SLCO2B1: variants seen among roughly 807,000 people sequenced by gnomAD.
The protein encoded by SLCO2B1 is solute carrier organic anion transporter family member 2B1.
SLCO2B1 carries 41 observed loss-of-function variants against 67.3 expected under a neutral mutation model. That is an observed-to-expected ratio of 0.61 (90% CI 0.47 to 0.79). The LOEUF is 0.79. SLCO2B1 is among the 30% of genes least tolerant of loss of function. SLCO2B1 has a pLI of 0.00. For missense variants in SLCO2B1, 837 were observed against 920.1 expected, an observed-to-expected ratio of 0.91 and a Z score of 1.17; for synonymous variants, 379 against 381.4, an observed-to-expected ratio of 0.99 and a Z score of 0.07.
At chr11:75,191,033 G>GCT (rs1945016115) in intron 8 of SLCO2B1, among the ~76,000 whole-genome samples, 1 of 152,200 alleles carries the variant, frequency 6.6e-6, no homozygotes. Flanking sequence ...GAGGAGAGAT[G>GCT]GGGGATGGCT....
chr11:75,196,287 A>G, intron 9 of SLCO2B1: 1 of 539,120 alleles, frequency 1.9e-6, no homozygotes, highest in Non-Finnish European at 3.3e-6. Context: ...AGATGTTTGA[A>G]GAAGCTCAAA....
At position 75,203,318 on chromosome 11, in the gene SLCO2B1, A is replaced by T; in HGVS notation, c.1840A>T (p.Ser614Cys). ...ACCACCTCCCTCAGCCTGGATGCCCAGCCCCGTGATCCACGGCAGCGCCAT... is the reference window on the plus strand; with the variant it reads ...ACCACCTCCCTCAGCCTGGATGCCCTGCCCCGTGATCCACGGCAGCGCCAT... Reference protein sequence around the residue: ...MFLRILAWMPSPVIHGSAIDT... With the variant: ...MFLRILAWMPCPVIHGSAIDT... The change falls in exon 13 of 14, where the codon AGC becomes TGC. Residue 614 changes from serine (S) to cysteine (C), a missense_variant. Transcript: ENST00000289575. The T allele has an allele frequency of 3.1e-6, 5 of 1,613,788 alleles. No individual in the cohort carries two copies. The highest frequency in any genetic ancestry group is 4.2e-6 in the Non-Finnish European group (5 of 1,179,990).
At chr11:75,161,105 TG>T (rs1480885840) in intron 1 of SLCO2B1, among the ~76,000 whole-genome samples, 2 of 152,202 alleles carry the variant, frequency 1.3e-5, no homozygotes, top group Admixed American at 1.3e-4. Flanking sequence ...GAATTGAAAA[TG>T]TATGTCTCCA....
intron 6 of SLCO2B1, among the ~76,000 whole-genome samples, chr11:75,171,570 T>A (rs1490131626): frequency 1.3e-5 from 2 of 152,198 alleles, no homozygotes. Flanking sequence ...TTTGTATTTT[T>A]ATGAAGCATT....
At chr11:75,190,248 C>T (rs2140334564) in intron 8 of SLCO2B1, among the ~76,000 whole-genome samples, 1 of 152,350 alleles carries the variant, frequency 6.6e-6, no homozygotes, top group Middle Eastern at 3.4e-3. Flanking sequence ...CTGGTGGTTT[C>T]AGCTTCTACA....
At position 75,170,022 on chromosome 11, in the gene SLCO2B1, C is replaced by T. The variant is rs184992238; in HGVS notation, c.781+258C>T. 2.3e-4 allele frequency: 103 copies of T among 455,804 alleles called. No individual in the cohort carries two copies. In the East Asian group the frequency reaches 3.1e-3, roughly 14 times the overall value. 28.2% of individuals were successfully genotyped at this position (455,804 alleles called of 1,614,324 possible). A position where few individuals can be genotyped will look rare whatever the true frequency, so the allele number is the denominator to read the frequency against. On this transcript the variant is annotated intron_variant, in intron 6 of 13. Coordinates refer to ENST00000289575, the MANE Select transcript of SLCO2B1 (RefSeq NM_007256.5). ...CCATCAAATTAGGAACCATGGTTGC[C>T]GTCACTACTATTACTGGGAGTCTTC...
intron 4 of SLCO2B1, among the ~76,000 whole-genome samples, chr11:75,168,546 C>T (rs1445448896): frequency 6.6e-6 from 1 of 152,218 alleles, no homozygotes; most frequent in Non-Finnish European, 1.5e-5. Context: ...TTTCTGTACT[C>T]TGCATCTGTG....
chr11:75,154,018 C>T (rs530502095), intron 1 of SLCO2B1, among the ~76,000 whole-genome samples: 24 of 151,176 alleles, frequency 1.6e-4, no homozygotes, highest in Non-Finnish European at 2.7e-4. Context: ...CTCTACCTCC[C>T]GGGTTCAAAC....
At chr11:75,201,955 G>A (rs2140347564) in intron 11 of SLCO2B1, 1 of 152,262 alleles carries the variant, frequency 6.6e-6, no homozygotes, top group African/African-American at 2.4e-5. Context: ...GGTCCCTCTG[G>A]TGACCAAGCC....
intron 11 of SLCO2B1, chr11:75,201,696 A>G (rs1945186152): frequency 6.6e-6 from 1 of 152,218 alleles, no homozygotes; most frequent in South Asian, 2.1e-4. Context: ...TCGGTTTATT[A>G]TAAAAGATAT....
Position 75,160,962 on chromosome 11 carries a change from C to T in SLCO2B1, c.17-1693C>T, listed in dbSNP as rs12417183. On this transcript the variant is annotated intron_variant, in intron 1 of 13. Transcript: ENST00000289575. ...TAGCAAAGATGTAGAGAAATTGGGACATTGCTGGAGGGAGTGTAAAATGGT... is the reference window on the plus strand; with the variant it reads ...TAGCAAAGATGTAGAGAAATTGGGATATTGCTGGAGGGAGTGTAAAATGGT... Among the ~76,000 whole-genome samples the T allele has an allele frequency of 9.9e-4, 151 of 152,316 alleles. 2 individuals carry two copies. Among genetic ancestry groups the T allele is most frequent in the Admixed American group, 8.4e-3 (129 of 15,298 alleles).
At chr11:75,173,595 A>G (rs1440237680) in intron 7 of SLCO2B1, among the ~76,000 whole-genome samples, 1 of 152,122 alleles carries the variant, frequency 6.6e-6, no homozygotes, top group African/African-American at 2.4e-5. Context: ...GTCTCTCCTC[A>G]GAAGCGGACA....
At chr11:75,156,210 C>T (rs548669240) in intron 1 of SLCO2B1, among the ~76,000 whole-genome samples, 4 of 152,300 alleles carry the variant, frequency 2.6e-5, no homozygotes, top group African/African-American at 9.6e-5. Context: ...AGTCTTCTCA[C>T]CCAGAGGCTT....
intron 12 of SLCO2B1, 88 bp downstream of exon 12, chr11:75,203,053 A>T: frequency 7.8e-7 from 1 of 1,283,308 alleles, no homozygotes; most frequent in Non-Finnish European, 1.1e-6. Context: ...CATGAGCGGA[A>T]TTCAATCCCT....
At chr11:75,169,075 A>G (rs1014046946) in intron 4 of SLCO2B1, 98 bp from the exon 5 acceptor site, 4 of 1,007,498 alleles carry the variant, frequency 4.0e-6, no homozygotes, top group Non-Finnish European at 4.3e-6. Flanking sequence ...GGCTCAAATT[A>G]TTTTTATACA....
chr11:75,200,392 A>AGGTGGG lies in SLCO2B1; in HGVS notation c.1763+13_1763+18dup. On this transcript the variant is annotated splice_donor_region_variant and intron_variant, in intron 11 of 13. Transcript: ENST00000289575. The stretch of plus-strand genomic sequence containing the variant: ...CTCCTTCATGCTCATCCTAAGGTGA[A>AGGTGGG]GGTGGGGGTGGGGCAGGGGCAGGTG... The AGGTGGG allele has an allele frequency of 6.3e-7, 1 of 1,586,154 alleles. No individual in the cohort carries two copies. The highest frequency in any genetic ancestry group is 8.6e-7 in the Non-Finnish European group (1 of 1,161,840).
At chr11:75,174,974 A>T (rs765193754) in intron 7 of SLCO2B1, among the ~76,000 whole-genome samples, 4 of 152,160 alleles carry the variant, frequency 2.6e-5, no homozygotes, top group Non-Finnish European at 4.4e-5. Context: ...TGTGCGCCTC[A>T]GATTCTGAGA....
intron 7 of SLCO2B1, among the ~76,000 whole-genome samples, chr11:75,183,158 T>C (rs1445972599): frequency 1.3e-5 from 2 of 152,276 alleles, no homozygotes; most frequent in South Asian, 2.1e-4. Context: ...TTAATTTTAA[T>C]AATACATTTT....
intron 2 of SLCO2B1, among the ~76,000 whole-genome samples, chr11:75,163,531 G>A (rs974248050): frequency 1.4e-4 from 21 of 152,174 alleles, no homozygotes; most frequent in African/African-American, 4.8e-4. Context: ...GTGGAACTGG[G>A]AGGAAAGTCC....
Sources: gnomAD v4.1 joint callset for allele counts (sites outside exome capture counted in the v4.1 genomes callset) on GRCh38, gnomAD v4.1.1 for gene constraint, MANE v1.5 for transcripts, NCBI Gene and HGNC (gene_info 2026-07-23, HGNC 2026-07-21) for gene names.